Variants in AGMO observed in about 807,000 individuals in gnomAD.
The protein encoded by AGMO is alkylglycerol monooxygenase.
AGMO carries 75 observed loss-of-function variants against 60.2 expected under a neutral mutation model. The ratio of observed to expected loss-of-function variants is 1.25; its 90% CI spans 1.03 to 1.51. The LOEUF (loss-of-function observed/expected upper bound fraction) is 1.51. Ranked by LOEUF, AGMO falls within the 40% of genes most tolerant of loss-of-function variation. The pLI is 0.00. For missense variants in AGMO, 763 were observed against 525.5 expected (o/e 1.45, Z -4.42); for synonymous variants, 261 against 177.1 (o/e 1.47, Z -3.76).
the AGMO span, among the ~76,000 whole-genome samples, chr7:15,161,545 AATAC>A: frequency 6.6e-6 from 1 of 151,730 alleles, no homozygotes; most frequent in Admixed American, 6.6e-5. Flanking sequence ...TATATGCATT[AATAC>A]ATATATACAC....
the AGMO span, among the ~76,000 whole-genome samples, chr7:15,171,435 C>A: frequency 6.6e-6 from 1 of 152,212 alleles, no homozygotes; most frequent in Non-Finnish European, 1.5e-5. Flanking sequence ...GTATACACTT[C>A]TTTCCCCTTT....
At chr7:15,403,933 G>A (rs986320916) in intron 5 of AGMO, among the ~76,000 whole-genome samples, 5 of 151,928 alleles carry the variant, frequency 3.3e-5, no homozygotes, top group Non-Finnish European at 7.4e-5. Flanking sequence ...TGTCTGCCTA[G>A]TTTCACACTT....
chr7:15,196,946 A>G (rs1781132398), downstream of AGMO, among the ~76,000 whole-genome samples: 1 of 152,140 alleles, frequency 6.6e-6, no homozygotes, highest in South Asian at 2.1e-4. Flanking sequence ...ATTTTTTCTA[A>G]TTGTGTCTTG....
At chr7:15,403,426 A>T (rs1490235537) in intron 5 of AGMO, among the ~76,000 whole-genome samples, 4 of 151,950 alleles carry the variant, frequency 2.6e-5, no homozygotes, top group Non-Finnish European at 4.4e-5. Context: ...CTGCAGTAAG[A>T]TCTTTCAAGA....
In AGMO at chr7:15,335,534, C is replaced by T. The variant is rs80189175; in HGVS notation, c.1263+29980G>A. On this transcript the variant is annotated intron_variant, in intron 12 of 12. Transcript: ENST00000342526. ...TTCCACCGGAAAATATTTAGTCACT[C>T]GCTTACTTGGATAGAAATCCGTCAC... Among the ~76,000 whole-genome samples, 514 of 152,160 alleles carry T rather than the reference C, an allele frequency of 3.4e-3. 11 individuals carry two copies. The highest frequency in any genetic ancestry group is 4.9e-3 in the Admixed American group (74 of 15,256).
intron 12 of AGMO, among the ~76,000 whole-genome samples, chr7:15,354,479 TGTGTATATACACAC>T (rs1782430307): frequency 1.2e-4 from 3 of 25,670 alleles, no homozygotes; most frequent in East Asian, 1.2e-3. Flanking sequence ...TATACACACG[TGTGTATATACACAC>T]GTGTATATAT....
At chr7:15,359,011 A>G (rs1378695277) in intron 12 of AGMO, among the ~76,000 whole-genome samples, 1 of 152,096 alleles carries the variant, frequency 6.6e-6, no homozygotes, top group African/African-American at 2.4e-5. Context: ...TCAGATATGG[A>G]GTTTTATAAA....
intron 12 of AGMO, among the ~76,000 whole-genome samples, chr7:15,230,815 T>C (rs1189726630): frequency 6.6e-6 from 1 of 152,112 alleles, no homozygotes; most frequent in East Asian, 1.9e-4. Flanking sequence ...CTAGAGCCTT[T>C]TGTTTGGGAC....
chr7:15,282,341 G>A (rs1025065680), intron 12 of AGMO, among the ~76,000 whole-genome samples: 1 of 151,848 alleles, frequency 6.6e-6, no homozygotes. Flanking sequence ...TTCAGAATAT[G>A]AATGAAAAAA....
intron 12 of AGMO, among the ~76,000 whole-genome samples, chr7:15,289,909 C>T (rs1784209146): frequency 7.0e-6 from 1 of 142,190 alleles, no homozygotes; most frequent in Non-Finnish European, 1.5e-5. Context: ...GCTGTTGTAG[C>T]ATCACATCCA....
At chr7:15,371,329 C>A (rs1419118739) in intron 10 of AGMO, among the ~76,000 whole-genome samples, 1 of 117,354 alleles carries the variant, frequency 8.5e-6, no homozygotes, top group Non-Finnish European at 1.8e-5. Context: ...AAGCTATTCT[C>A]CTGCCTCAGC....
chr7:15,318,487 C>T (rs2128536741), intron 12 of AGMO, among the ~76,000 whole-genome samples: 1 of 152,144 alleles, frequency 6.6e-6, no homozygotes, highest in Non-Finnish European at 1.5e-5. Context: ...ATCTTGAAAT[C>T]CTAATCCACA....
At chr7:15,243,985 AC>A (rs1490673467) in intron 12 of AGMO, among the ~76,000 whole-genome samples, 1 of 152,142 alleles carries the variant, frequency 6.6e-6, no homozygotes, top group African/African-American at 2.4e-5. Flanking sequence ...AAATCAAACA[AC>A]CTGTCATCCT....
chr7:15,485,194 T>C (rs1782881399), intron 3 of AGMO, among the ~76,000 whole-genome samples: 1 of 146,602 alleles, frequency 6.8e-6, no homozygotes, highest in Non-Finnish European at 1.5e-5. Flanking sequence ...GGCGGGCGCC[T>C]GAACCCCAGC....
intron 2 of AGMO, among the ~76,000 whole-genome samples, chr7:15,554,446 C>CA (rs913348033): frequency 5.7e-4 from 86 of 152,106 alleles, no homozygotes; most frequent in African/African-American, 2.0e-3. Context: ...TGTAAAGAGA[C>CA]ATTAGAATCC....
chr7:15,524,228 T>A (rs1053667981), intron 3 of AGMO, among the ~76,000 whole-genome samples: 15 of 152,166 alleles, frequency 9.9e-5, no homozygotes, highest in Admixed American at 5.2e-4. Flanking sequence ...ACTTTTTTTT[T>A]ATATTCATAT....
intron 3 of AGMO, among the ~76,000 whole-genome samples, chr7:15,481,913 A>G (rs1263377947): frequency 6.6e-6 from 1 of 151,888 alleles, no homozygotes; most frequent in African/African-American, 2.4e-5. Context: ...TCTAACTAGA[A>G]CACTCCCAAG....
the AGMO span, among the ~76,000 whole-genome samples, chr7:15,122,126 C>T: frequency 3.9e-5 from 6 of 152,124 alleles, no homozygotes; most frequent in African/African-American, 1.2e-4. Context: ...AGGCAACCTA[C>T]AGAATGGGAG....
intron 5 of AGMO, among the ~76,000 whole-genome samples, chr7:15,394,915 G>C (rs1005411961): frequency 6.6e-6 from 1 of 152,036 alleles, no homozygotes; most frequent in African/African-American, 2.4e-5. Context: ...TTCAATATCT[G>C]GTGCCTAATT....
Sources: allele counts gnomAD v4.1 joint callset (sites outside exome capture counted in the v4.1 genomes callset), GRCh38; gene constraint gnomAD v4.1.1; transcripts MANE v1.5; gene names NCBI Gene and HGNC (gene_info 2026-07-23, HGNC 2026-07-21).